The following SLC14A2 variants were observed in gnomAD, a reference collection of about 807,000 sequenced individuals.
The protein encoded by SLC14A2 is urea transporter 2.
SLC14A2 carries 91 observed loss-of-function variants against 104.6 expected under a neutral mutation model. That is an observed-to-expected ratio of 0.87 (90% CI 0.73 to 1.04). SLC14A2 has a LOEUF of 1.04. Ranked by LOEUF, SLC14A2 falls within the 50% of genes least tolerant of loss-of-function variation. The probability of loss-of-function intolerance (pLI) is 0.00; values close to 1 mark genes in which losing one functional copy is unlikely to be tolerated. For synonymous variants in SLC14A2, 476 were observed against 466.4 expected (o/e 1.02, Z -0.27); for missense variants, 1,189 against 1,156.0 (o/e 1.03, Z -0.41).
At chr18:45,584,796 C>G (rs922555597) in intron 2 of SLC14A2, among the ~76,000 whole-genome samples, 1 of 152,140 alleles carries the variant, frequency 6.6e-6, no homozygotes, top group African/African-American at 2.4e-5. Flanking sequence ...CTTTAAGACT[C>G]TGATAGCAGG....
At chr18:45,613,111 T>C (rs2363613), upstream of SLC14A2, among the ~76,000 whole-genome samples, 59,982 of 152,066 alleles carry the variant, frequency 0.39, 12,463 homozygotes, top group East Asian at 0.72. Context: ...CTCGGCTCAC[T>C]GCAAGCTCCG....
At chr18:45,643,096 G>C in intron 8 of SLC14A2, 36 bp from the exon 9 acceptor site, 1 of 1,611,100 alleles carries the variant, frequency 6.2e-7, no homozygotes, top group South Asian at 1.1e-5. Context: ...GGAAGGCCCT[G>C]GGAAGCTCAC....
At chr18:45,580,019 T>C (rs921676915) in intron 2 of SLC14A2, among the ~76,000 whole-genome samples, 1 of 151,832 alleles carries the variant, frequency 6.6e-6, no homozygotes, top group South Asian at 2.1e-4. Context: ...GTATGGGACA[T>C]AGGAGGGAGA....
chr18:45,605,041 C>T (rs376069207), intron 2 of SLC14A2, among the ~76,000 whole-genome samples: 1 of 152,090 alleles, frequency 6.6e-6, no homozygotes. Context: ...TCCACTCTTC[C>T]CCGCAGTGAT....
At chr18:45,277,704 C>T (rs1199618590) in intron 1 of SLC14A2, among the ~76,000 whole-genome samples, 3 of 152,156 alleles carry the variant, frequency 2.0e-5, no homozygotes, top group South Asian at 2.1e-4. Context: ...CCACCGTGAC[C>T]GGCCTACCTA....
intron 1 of SLC14A2, among the ~76,000 whole-genome samples, chr18:45,406,262 C>T (rs1022472815): frequency 1.3e-5 from 2 of 152,216 alleles, no homozygotes; most frequent in African/African-American, 4.8e-5. Context: ...TAGATTCCAT[C>T]TCAAGGAACC....
intron 1 of SLC14A2, among the ~76,000 whole-genome samples, chr18:45,410,249 C>T (rs116178449): frequency 0.018 from 2,722 of 152,214 alleles, 94 homozygotes; most frequent in African/African-American, 0.061. Flanking sequence ...CTGTGTGGTC[C>T]GGTTTCTAAC....
chr18:45,601,491 G>C (rs1025582517), intron 2 of SLC14A2, among the ~76,000 whole-genome samples: 2 of 152,198 alleles, frequency 1.3e-5, no homozygotes, highest in African/African-American at 2.4e-5. Context: ...GTAAGAAAGG[G>C]ACAAGGTTGG....
chr18:45,655,445 T>C (rs2045818489), intron 10 of SLC14A2, among the ~76,000 whole-genome samples: 1 of 152,224 alleles, frequency 6.6e-6, no homozygotes, highest in South Asian at 2.1e-4. Context: ...GTTGGACCCC[T>C]TCTCTCAAAT....
At chr18:45,463,439 C>T (rs2144646606) in intron 1 of SLC14A2, among the ~76,000 whole-genome samples, 1 of 152,282 alleles carries the variant, frequency 6.6e-6, no homozygotes, top group South Asian at 2.1e-4. Flanking sequence ...GGGGGAGCCT[C>T]TAACATAGCA....
intron 1 of SLC14A2, among the ~76,000 whole-genome samples, chr18:45,331,657 C>T (rs1434280614): frequency 1.3e-5 from 2 of 151,224 alleles, no homozygotes; most frequent in Non-Finnish European, 2.9e-5. Flanking sequence ...CACCACTGCA[C>T]TCCAGCCTGG....
intron 2 of SLC14A2, among the ~76,000 whole-genome samples, chr18:45,484,780 G>T (rs945834589): frequency 1.4e-5 from 2 of 147,716 alleles, no homozygotes; most frequent in Admixed American, 6.7e-5. Flanking sequence ...TGGTTGGTTG[G>T]TTTTTCTTTT....
At chr18:45,563,575 A>AT (rs932469425) in intron 2 of SLC14A2, among the ~76,000 whole-genome samples, 3 of 151,862 alleles carry the variant, frequency 2.0e-5, no homozygotes, top group Admixed American at 6.6e-5. Flanking sequence ...TTCTTCCTAC[A>AT]TTTTTTTTGG....
At chr18:45,524,199 A>G (rs2043558555) in intron 2 of SLC14A2, among the ~76,000 whole-genome samples, 1 of 152,186 alleles carries the variant, frequency 6.6e-6, no homozygotes, top group Non-Finnish European at 1.5e-5. Flanking sequence ...TCAGCCTTAG[A>G]CTGTGAGACT....
Position 45,250,546 on chromosome 18 carries a change from AC to A in SLC14A2, c.-125+37356del, listed in dbSNP as rs142577331. On this transcript the variant is annotated intron_variant, in intron 1 of 20. Coordinates refer to the SLC14A2 transcript ENST00000586448. Reference sequence around the variant, plus strand: ...TTTCCTTTCCATCGTTGCTGTACTCACTTCCTGTTCTTTCTACTTTCTAAAC... The same window carrying A: ...TTTCCTTTCCATCGTTGCTGTACTCATTCCTGTTCTTTCTACTTTCTAAAC... Among the ~76,000 whole-genome samples, 360 of 150,568 alleles carry A rather than the reference AC, an allele frequency of 2.4e-3. 3 individuals are homozygous for A. The highest frequency in any genetic ancestry group is 8.4e-3 in the African/African-American group (342 of 40,846).
chr18:45,263,706 T>G (rs531289645), intron 1 of SLC14A2, among the ~76,000 whole-genome samples: 1 of 152,342 alleles, frequency 6.6e-6, no homozygotes, highest in African/African-American at 2.4e-5. Flanking sequence ...GGATATTTAT[T>G]GTATTCTGCT....
At chr18:45,454,400 T>C (rs1000224793) in intron 1 of SLC14A2, among the ~76,000 whole-genome samples, 1 of 152,210 alleles carries the variant, frequency 6.6e-6, no homozygotes, top group Non-Finnish European at 1.5e-5. Flanking sequence ...ATTCTGGATA[T>C]TAGCCCTTTG....
chr18:45,559,285 G>A (rs1400966669), intron 2 of SLC14A2, among the ~76,000 whole-genome samples: 1 of 152,174 alleles, frequency 6.6e-6, no homozygotes, highest in African/African-American at 2.4e-5. Flanking sequence ...GGTTAGAAAT[G>A]GAAGAGTGGT....
Position 45,412,503 on chromosome 18 carries a change from A to G in SLC14A2, c.-124-70730A>G, listed in dbSNP as rs564778056. ...GGGACTTTCACAGGAGCAAGGGCTC[A>G]TGTGCCTGCTTTCATCATCACTTCT... On this transcript the variant is annotated intron_variant, in intron 1 of 20. Coordinates refer to the SLC14A2 transcript ENST00000586448. Among the ~76,000 whole-genome samples the G allele has an allele frequency of 2.0e-5, 3 of 152,296 alleles. No individual in the cohort carries two copies. The South Asian group carries it at 6.2e-4, about 32-fold the overall frequency.
Sources: gnomAD v4.1 joint callset for allele counts (sites outside exome capture counted in the v4.1 genomes callset) on GRCh38, gnomAD v4.1.1 for gene constraint, MANE v1.5 for transcripts, NCBI Gene and HGNC (gene_info 2026-07-23, HGNC 2026-07-21) for gene names.